The following NEGR1 variants were observed in gnomAD, a reference collection of about 807,000 sequenced individuals.
NEGR1 encodes IgLON family member 4.
Under a neutral mutation model 40.9 loss-of-function variants are expected in NEGR1, and 10 were observed. That is an observed-to-expected ratio of 0.24 (90% CI 0.15 to 0.42). The LOEUF (loss-of-function observed/expected upper bound fraction) is 0.42. NEGR1 is among the 10% of genes least tolerant of loss of function. NEGR1 has a pLI of 1.00. For missense variants in NEGR1, 352 were observed against 438.9 expected, an observed-to-expected ratio of 0.80 and a Z score of 1.77; for synonymous variants, 185 against 166.8, an observed-to-expected ratio of 1.11 and a Z score of -0.84.
chr1:72,164,214 C>T (rs536152415), intron 1 of NEGR1, among the ~76,000 whole-genome samples: 4 of 151,998 alleles, frequency 2.6e-5, no homozygotes, highest in Non-Finnish European at 4.4e-5. Context: ...GAACCTTTAA[C>T]GACCGTTGAA....
chr1:71,647,141 T>C (rs1236797913), intron 4 of NEGR1, among the ~76,000 whole-genome samples: 2 of 151,816 alleles, frequency 1.3e-5, no homozygotes, highest in African/African-American at 4.8e-5. Flanking sequence ...TCAGGGCTCT[T>C]TGGACTCAAT....
chr1:71,958,090 A>G (rs1293413653), intron 1 of NEGR1, among the ~76,000 whole-genome samples: 5 of 152,210 alleles, frequency 3.3e-5, no homozygotes, highest in African/African-American at 4.8e-5. Flanking sequence ...CCACTGAAGT[A>G]TGTGCAATTT....
chr1:71,599,882 C>A (rs751376526), intron 5 of NEGR1, among the ~76,000 whole-genome samples: 1 of 152,122 alleles, frequency 6.6e-6, no homozygotes, highest in Non-Finnish European at 1.5e-5. Flanking sequence ...AGATGTCAAG[C>A]CTCCCTGACT....
intron 3 of NEGR1, among the ~76,000 whole-genome samples, chr1:71,744,302 T>TATATATATATATAA (rs1444448437): frequency 1.4e-5 from 2 of 147,240 alleles, no homozygotes; most frequent in African/African-American, 5.0e-5. Flanking sequence ...TATATATATA[T>TATATATATATATAA]AAAGTGCTTG....
chr1:71,966,793 CCT>C (rs1646213469), intron 1 of NEGR1, among the ~76,000 whole-genome samples: 1 of 152,060 alleles, frequency 6.6e-6, no homozygotes, highest in Non-Finnish European at 1.5e-5. Context: ...TAACTTCTCC[CCT>C]CTGATTTTCT....
chr1:71,693,624 G>A (rs528956369), intron 4 of NEGR1, among the ~76,000 whole-genome samples: 1 of 151,608 alleles, frequency 6.6e-6, no homozygotes, highest in Non-Finnish European at 1.5e-5. Flanking sequence ...AGTCAGAGAA[G>A]TAAAGTACCT....
chr1:71,423,756 AT>A (rs890922118), intron 6 of NEGR1, among the ~76,000 whole-genome samples: 5 of 151,094 alleles, frequency 3.3e-5, no homozygotes, highest in East Asian at 1.9e-4. Flanking sequence ...ATTGGCCAGA[AT>A]TTTTTTTTGT....
chr1:71,962,625 A>C (rs145864537), intron 1 of NEGR1, among the ~76,000 whole-genome samples: 68 of 152,206 alleles, frequency 4.5e-4, no homozygotes, highest in African/African-American at 1.5e-3. Flanking sequence ...CCTATCTCTT[A>C]GATAATAATA....
intron 1 of NEGR1, among the ~76,000 whole-genome samples, chr1:72,039,729 A>G (rs1646935524): frequency 1.3e-5 from 2 of 151,990 alleles, no homozygotes; most frequent in South Asian, 4.1e-4. Flanking sequence ...TAAATACTCA[A>G]GGACTAGTTT....
chr1:71,593,785 T>C (rs1326301472), intron 5 of NEGR1, among the ~76,000 whole-genome samples: 1 of 152,218 alleles, frequency 6.6e-6, no homozygotes, highest in African/African-American at 2.4e-5. Context: ...CTATCTCTTG[T>C]ACCTTCTATT....
chr1:71,448,234 A>AG (rs917584918), intron 6 of NEGR1, among the ~76,000 whole-genome samples: 2 of 12,754 alleles, frequency 1.6e-4, no homozygotes, highest in South Asian at 6.4e-3. Flanking sequence ...TCTCTGAGAG[A>AG]AAAAAAAAAA....
At chr1:72,074,394 T>G (rs1445658391) in intron 1 of NEGR1, among the ~76,000 whole-genome samples, 17 of 152,072 alleles carry the variant, frequency 1.1e-4, no homozygotes. Flanking sequence ...TTAATATTAT[T>G]CTTTATCATC....
chr1:71,941,145 A>G (rs1645955451), intron 1 of NEGR1, among the ~76,000 whole-genome samples: 1 of 152,162 alleles, frequency 6.6e-6, no homozygotes, highest in East Asian at 1.9e-4. Flanking sequence ...TGCATCATAA[A>G]GTCCTAAATT....
At chr1:71,753,103 T>C (rs1026834000) in intron 3 of NEGR1, among the ~76,000 whole-genome samples, 16 of 151,948 alleles carry the variant, frequency 1.1e-4, no homozygotes, top group African/African-American at 3.9e-4. Flanking sequence ...ATACTAAGAG[T>C]CCCAGGTTCT....
chr1:71,887,717 G>C (rs1248612700), intron 2 of NEGR1, among the ~76,000 whole-genome samples: 3 of 152,058 alleles, frequency 2.0e-5, no homozygotes, highest in African/African-American at 7.2e-5. Flanking sequence ...CTTTACAGTA[G>C]TATAGGACAC....
At chr1:71,951,258 C>A (rs971940457) in intron 1 of NEGR1, among the ~76,000 whole-genome samples, 12 of 151,936 alleles carry the variant, frequency 7.9e-5, no homozygotes, top group African/African-American at 2.9e-4. Context: ...AGTTGCCTTT[C>A]ATCTTTACCA....
chr1:72,107,447 C>T (rs186382358), intron 1 of NEGR1, among the ~76,000 whole-genome samples: 23 of 151,552 alleles, frequency 1.5e-4, no homozygotes, highest in African/African-American at 4.8e-4. Context: ...TTAAAATATG[C>T]TAAACACTTT....
chr1:72,052,848 T>C (rs1033086970), intron 1 of NEGR1, among the ~76,000 whole-genome samples: 1 of 151,578 alleles, frequency 6.6e-6, no homozygotes, highest in Admixed American at 6.6e-5. Context: ...TATATTTGCA[T>C]TTGTCCAGTG....
At chr1:71,455,770 T>C (rs958274844) in intron 6 of NEGR1, among the ~76,000 whole-genome samples, 7 of 152,186 alleles carry the variant, frequency 4.6e-5, no homozygotes, top group African/African-American at 1.7e-4. Flanking sequence ...ATCTGCACTT[T>C]ATTACATTTT....
Sources: allele counts gnomAD v4.1 joint callset (sites outside exome capture counted in the v4.1 genomes callset), GRCh38; gene constraint gnomAD v4.1.1; transcripts MANE v1.5; gene names NCBI Gene and HGNC (gene_info 2026-07-23, HGNC 2026-07-21).